The following CRPPA variants were observed in gnomAD, a reference collection of about 807,000 sequenced individuals.
CRPPA encodes CDP-L-ribitol pyrophosphorylase A.
CRPPA carries 43 observed loss-of-function variants against 52.0 expected under a neutral mutation model. That is an observed-to-expected ratio of 0.83 (90% CI 0.65 to 1.07). The LOEUF is 1.07. Among genes scored for constraint, CRPPA ranks in the 50% least tolerant of loss-of-function variants. CRPPA has a pLI of 0.00. For missense variants in CRPPA, 629 were observed against 551.7 expected, an observed-to-expected ratio of 1.14 and a Z score of -1.40; for synonymous variants, 250 against 203.5, an observed-to-expected ratio of 1.23 and a Z score of -1.94.
At chr7:16,229,922 C>G (rs1265446869) in intron 8 of CRPPA, among the ~76,000 whole-genome samples, 3 of 151,698 alleles carry the variant, frequency 2.0e-5, no homozygotes, top group Non-Finnish European at 4.4e-5. Flanking sequence ...TCTTGGCTGA[C>G]AGTTTTTTTT....
chr7:16,161,008 A>C (rs1354143553), intron 9 of CRPPA, among the ~76,000 whole-genome samples: 1 of 152,122 alleles, frequency 6.6e-6, no homozygotes, highest in African/African-American at 2.4e-5. Flanking sequence ...TTGCACATTG[A>C]TTTTGTATCC....
chr7:16,301,536 C>G, intron 4 of CRPPA, 70 bp from the exon 5 acceptor site: 1 of 1,122,504 alleles, frequency 8.9e-7, no homozygotes, highest in Non-Finnish European at 1.3e-6. Flanking sequence ...AAATAATGCC[C>G]CCAAGGAAAT....
chr7:16,190,476 C>T (rs920519042), intron 9 of CRPPA, among the ~76,000 whole-genome samples: 3 of 152,154 alleles, frequency 2.0e-5, no homozygotes, highest in Non-Finnish European at 2.9e-5. Context: ...TAGATTTATT[C>T]CATTTGGCTT....
Position 16,264,759 on chromosome 7 carries a change from C to A in CRPPA, c.934-5747G>T, listed in dbSNP as rs531900388. On this transcript the variant is annotated intron_variant, in intron 6 of 9. Coordinates refer to ENST00000407010, the MANE Select transcript of CRPPA (RefSeq NM_001101426.4). ...TCTTTCCACTCTGTGAACATGCCAA[C>A]AATTATCCCTTTTTGCCTTTCTAGC... Among the ~76,000 whole-genome samples the A allele has an allele frequency of 2.6e-5, 4 of 152,282 alleles. No homozygotes were observed. In the South Asian group the frequency reaches 8.3e-4, roughly 32 times the overall value.
intron 3 of CRPPA, among the ~76,000 whole-genome samples, chr7:16,308,941 CA>C (rs1253451617): frequency 1.5e-4 from 23 of 152,252 alleles, no homozygotes; most frequent in African/African-American, 5.5e-4. Flanking sequence ...GTTACCTTTC[CA>C]AACATGTTTA....
chr7:16,247,929 T>G (rs768466895), intron 8 of CRPPA: 9 of 152,056 alleles, frequency 5.9e-5, no homozygotes, highest in Non-Finnish European at 1.3e-4. Context: ...TGCCATTCAC[T>G]GGGACACACG....
intron 9 of CRPPA, among the ~76,000 whole-genome samples, chr7:16,203,949 G>T (rs116150501): frequency 1.1e-4 from 16 of 152,036 alleles, no homozygotes; most frequent in Non-Finnish European, 2.1e-4. Flanking sequence ...TTTGACACAC[G>T]TATTAATTCA....
chr7:16,110,837 A>C (rs1170867585), intron 9 of CRPPA, among the ~76,000 whole-genome samples: 1 of 152,156 alleles, frequency 6.6e-6, no homozygotes, highest in Non-Finnish European at 1.5e-5. Context: ...AAAAGCTATA[A>C]AACTATTAGA....
chr7:16,128,937 A>G (rs1045621183), intron 9 of CRPPA, among the ~76,000 whole-genome samples: 1 of 152,196 alleles, frequency 6.6e-6, no homozygotes, highest in Non-Finnish European at 1.5e-5. Context: ...TGCATAATAT[A>G]TAAATTATTT....
intron 2 of CRPPA, among the ~76,000 whole-genome samples, chr7:16,398,362 G>C (rs1216920626): frequency 7.0e-6 from 1 of 143,760 alleles, no homozygotes; most frequent in African/African-American, 2.7e-5. Context: ...ATGTGACAGA[G>C]GCAAGACCAG....
At chr7:16,189,057 G>T (rs528698147) in intron 9 of CRPPA, among the ~76,000 whole-genome samples, 1 of 151,890 alleles carries the variant, frequency 6.6e-6, no homozygotes. Context: ...AACATCATTC[G>T]ATGTCTCTGA....
chr7:16,176,412 A>G (rs574336961), intron 9 of CRPPA, among the ~76,000 whole-genome samples: 1 of 152,192 alleles, frequency 6.6e-6, no homozygotes, highest in Non-Finnish European at 1.5e-5. Context: ...AAACAAGGAC[A>G]TAAAGAGATG....
intron 9 of CRPPA, among the ~76,000 whole-genome samples, chr7:16,139,991 T>C (rs547028061): frequency 2.0e-4 from 31 of 152,226 alleles, no homozygotes; most frequent in African/African-American, 7.2e-4. Flanking sequence ...AGATTACTAG[T>C]ATCTTGCCAC....
intron 2 of CRPPA, among the ~76,000 whole-genome samples, chr7:16,402,514 T>C (rs1470569023): frequency 6.6e-6 from 1 of 152,076 alleles, no homozygotes; most frequent in Admixed American, 6.5e-5. Flanking sequence ...GAAGAGTTAG[T>C]GAATTAAACG....
At chr7:16,396,817 G>A (rs946519827) in intron 2 of CRPPA, among the ~76,000 whole-genome samples, 1 of 152,242 alleles carries the variant, frequency 6.6e-6, no homozygotes, top group African/African-American at 2.4e-5. Context: ...TGTGTGGCAT[G>A]TGTGATGGAA....
chr7:16,262,832 A>T (rs534132978), intron 6 of CRPPA, among the ~76,000 whole-genome samples: 20 of 152,342 alleles, frequency 1.3e-4, no homozygotes, highest in Admixed American at 1.3e-3. Context: ...GGTTTAGAAG[A>T]CATCAGCCAG....
chr7:16,287,716 G>A (rs919928307), intron 5 of CRPPA, among the ~76,000 whole-genome samples: 8 of 152,096 alleles, frequency 5.3e-5, no homozygotes, highest in African/African-American at 1.9e-4. Context: ...GAGGTCAGAA[G>A]TTCAAGACCA....
intron 5 of CRPPA, among the ~76,000 whole-genome samples, chr7:16,300,000 T>C (rs1456307130): frequency 6.6e-6 from 1 of 152,210 alleles, no homozygotes; most frequent in African/African-American, 2.4e-5. Context: ...TATTTCCTTG[T>C]GTTGAGGACA....
intron 3 of CRPPA, among the ~76,000 whole-genome samples, chr7:16,365,831 G>C (rs1786575682): frequency 6.6e-6 from 1 of 152,090 alleles, no homozygotes; most frequent in South Asian, 2.1e-4. Context: ...AAATATATTT[G>C]TAATGTGTAA....
Sources: gnomAD v4.1 joint callset for allele counts (sites outside exome capture counted in the v4.1 genomes callset) on GRCh38, gnomAD v4.1.1 for gene constraint, MANE v1.5 for transcripts, NCBI Gene and HGNC (gene_info 2026-07-23, HGNC 2026-07-21) for gene names.